The following SEC24A variants were observed in gnomAD, a reference collection of about 807,000 sequenced individuals.
The protein encoded by SEC24A is protein transport protein Sec24A.
A neutral mutation model predicts 129.4 loss-of-function variants in SEC24A; 93 were observed. The ratio of observed to expected loss-of-function variants is 0.72; its 90% CI spans 0.61 to 0.85. SEC24A has a LOEUF of 0.85. Among genes scored for constraint, SEC24A ranks in the 40% least tolerant of loss-of-function variants. The pLI is 0.00. For missense variants in SEC24A, 1,264 were observed against 1,307.4 expected (o/e 0.97, Z 0.51); for synonymous variants, 460 against 467.3 (o/e 0.98, Z 0.20).
At chr5:134,690,481 T>A (rs1274538427) in intron 11 of SEC24A, among the ~76,000 whole-genome samples, 1 of 152,186 alleles carries the variant, frequency 6.6e-6, no homozygotes, top group Admixed American at 6.6e-5. Flanking sequence ...GCCCAGCTAA[T>A]TTTTAAAATT....
chr5:134,696,020 A>C (rs903690787), intron 13 of SEC24A, among the ~76,000 whole-genome samples: 1 of 151,264 alleles, frequency 6.6e-6, no homozygotes, highest in Non-Finnish European at 1.5e-5. Context: ...TAATCCCAGC[A>C]CTTTGGGAGG....
At position 134,651,934 on chromosome 5, in the gene SEC24A, C is replaced by CTTT. The variant is rs11294954; in HGVS notation, c.97+2776_97+2778dup. 3.0e-5 allele frequency among the ~76,000 whole-genome samples: 4 copies of CTTT among 135,252 alleles called. 1 individual carries two copies. Among genetic ancestry groups the CTTT allele is most frequent in the Admixed American group, 7.6e-5 (1 of 13,112 alleles). The allele number at this position is 135,252 out of a possible 152,430, so 88.7% of individuals were successfully genotyped here. On this transcript the variant is annotated intron_variant, in intron 1 of 22. Coordinates refer to ENST00000398844, the MANE Select transcript of SEC24A (RefSeq NM_021982.3). ...ATGCTTGCATATTCTGTTGAAAACT[C>CTTT]TTTTTTTTTTTTTTTTTGATGGAGT...
At chr5:134,719,553 TC>T (rs1017526590) in intron 20 of SEC24A, among the ~76,000 whole-genome samples, 19 of 151,720 alleles carry the variant, frequency 1.3e-4, no homozygotes, top group Non-Finnish European at 5.9e-5. Context: ...CCAGGCGTGG[TC>T]ACGTGCACCT....
intron 8 of SEC24A, 130 bp from the exon 9 acceptor site, chr5:134,682,243 A>G: frequency 4.7e-6 from 1 of 213,682 alleles, no homozygotes; most frequent in Non-Finnish European, 9.1e-6. Flanking sequence ...ACTCTGTCTC[A>G]AAAAAAAAAA....
At chr5:134,713,988 G>A (rs887001582) in intron 18 of SEC24A, among the ~76,000 whole-genome samples, 1 of 151,762 alleles carries the variant, frequency 6.6e-6, no homozygotes, top group Non-Finnish European at 1.5e-5. Context: ...GTTGCAGTGA[G>A]CAGAGATCAA....
At chr5:134,660,208 A>G (rs1485586672) in intron 1 of SEC24A, among the ~76,000 whole-genome samples, 1 of 151,874 alleles carries the variant, frequency 6.6e-6, no homozygotes, top group East Asian at 1.9e-4. Flanking sequence ...CAAAAAAAAA[A>G]AAAAAAAATT....
intron 8 of SEC24A, among the ~76,000 whole-genome samples, chr5:134,682,116 G>A (rs572874573): frequency 6.6e-6 from 1 of 151,886 alleles, no homozygotes; most frequent in East Asian, 1.9e-4. Flanking sequence ...GGTGGCGCAT[G>A]CCTGTAATCC....
intron 1 of SEC24A, among the ~76,000 whole-genome samples, chr5:134,658,204 G>A (rs1750316628): frequency 6.6e-6 from 1 of 152,172 alleles, no homozygotes; most frequent in Non-Finnish European, 1.5e-5. Flanking sequence ...CCAGGAGGCG[G>A]AGGTTGCAGT....
chr5:134,679,453 T>A, intron 7 of SEC24A, 149 bp from the exon 8 acceptor site: 1 of 448,722 alleles, frequency 2.2e-6, no homozygotes, highest in Non-Finnish European at 4.0e-6. Flanking sequence ...ATGGTTTTTG[T>A]GTATGGCAGT....
At position 134,667,671 on chromosome 5, in the gene SEC24A, A is replaced by C. The variant is rs1264056070; in HGVS notation, c.739+675A>C. ...TCCGTCTCAAAAAAAAAAAAAAACAAAAAAAAAAAAACAAGATATATTTTG... is the reference window on the plus strand; with the variant it reads ...TCCGTCTCAAAAAAAAAAAAAAACACAAAAAAAAAAACAAGATATATTTTG... On this transcript the variant is annotated intron_variant, in intron 3 of 22. Coordinates refer to ENST00000398844, the MANE Select transcript of SEC24A (RefSeq NM_021982.3). Among the ~76,000 whole-genome samples the C allele has an allele frequency of 2.7e-5, 4 of 149,114 alleles. No individual in the cohort carries two copies. The East Asian group carries it at 7.8e-4, about 29-fold the overall frequency.
chr5:134,702,912 G>A (rs1379633931), intron 15 of SEC24A, among the ~76,000 whole-genome samples: 1 of 151,420 alleles, frequency 6.6e-6, no homozygotes, highest in Non-Finnish European at 1.5e-5. Flanking sequence ...CTACAGGCGT[G>A]TGCCACCATG....
At position 134,659,096 on chromosome 5, in the gene SEC24A, G is replaced by A. The variant is rs1340220159; in HGVS notation, c.98-2023G>A. Among the ~76,000 whole-genome samples, 9 of 108,214 alleles carry A rather than the reference G, an allele frequency of 8.3e-5. No homozygotes were observed. In the East Asian group the frequency reaches 2.2e-3, roughly 27 times the overall value. 71.0% of individuals were successfully genotyped at this position (108,214 alleles called of 152,430 possible). ...ATTTATTTATTTATTTATTGAGATG[G>A]AATCTTGCTCTGTCACCCAGGCTGG... On this transcript the variant is annotated intron_variant, in intron 1 of 22. Coordinates refer to ENST00000398844, the MANE Select transcript of SEC24A (RefSeq NM_021982.3).
chr5:134,687,709 G>A (rs1751498068), intron 10 of SEC24A, among the ~76,000 whole-genome samples: 1 of 152,202 alleles, frequency 6.6e-6, no homozygotes, highest in Non-Finnish European at 1.5e-5. Context: ...GCATGAACAA[G>A]AGTGAAAAAC....
chr5:134,701,936 G>T (rs1035442885), intron 15 of SEC24A, among the ~76,000 whole-genome samples: 1 of 152,104 alleles, frequency 6.6e-6, no homozygotes, highest in Non-Finnish European at 1.5e-5. Flanking sequence ...ACACAGAAAA[G>T]ATAATGTACA....
chr5:134,676,108 C>T lies in SEC24A; in HGVS notation c.1237C>T (p.Pro413Ser), dbSNP rs2150083512. Reference protein sequence around the residue: ...AKLPLGLLLHPFKDLVQLPVV... With the variant: ...AKLPLGLLLHSFKDLVQLPVV... Reference sequence around the variant, plus strand: ...ACTTCCTTTGGGGCTGCTGCTTCATCCTTTCAAAGACTTAGTGGTATGTTT... The same window carrying T: ...ACTTCCTTTGGGGCTGCTGCTTCATTCTTTCAAAGACTTAGTGGTATGTTT... The change falls in exon 7 of 23, where the codon CCT (proline) becomes TCT (serine). Residue 413 changes from proline (P) to serine (S), a missense_variant. By Grantham distance (74) the Pro-to-Ser change is moderately conservative. Coordinates refer to ENST00000398844, the MANE Select transcript of SEC24A (RefSeq NM_021982.3). The T allele has an allele frequency of 6.2e-7, 1 of 1,610,776 alleles. No homozygotes were observed.
intron 3 of SEC24A, among the ~76,000 whole-genome samples, chr5:134,668,040 C>A (rs1750726152): frequency 6.6e-6 from 1 of 151,606 alleles, no homozygotes; most frequent in Non-Finnish European, 1.5e-5. Context: ...ATGGTGAAAC[C>A]CTGTCTCTAC....
At position 134,698,110 on chromosome 5, in the gene SEC24A, A is replaced by C. The variant is rs1751885009; in HGVS notation, c.2266+53A>C. ...CTGAATAATATTTTTGGTTTCAGTA[A>C]ATGTACATGTTTTTATCTGGTCTTA... is the stretch of plus-strand genomic sequence containing the variant. On this transcript the variant is annotated intron_variant, in intron 15 of 22. Transcript: ENST00000398844. 9 of 1,449,008 alleles carry C rather than the reference A, an allele frequency of 6.2e-6. No individual in the cohort carries two copies. The South Asian group carries it at 1.0e-4, about 16-fold the overall frequency. 89.8% of individuals were successfully genotyped at this position (1,449,008 alleles called of 1,614,324 possible).
intron 20 of SEC24A, 142 bp downstream of exon 20, chr5:134,718,315 A>T: frequency 1.8e-6 from 1 of 545,040 alleles, no homozygotes; most frequent in Non-Finnish European, 3.3e-6. Flanking sequence ...CTGATTAATG[A>T]TGTGTAAGTC....
chr5:134,681,442 T>TTGTGTGTGTG (rs34487329), intron 8 of SEC24A, among the ~76,000 whole-genome samples: 108 of 143,786 alleles, frequency 7.5e-4, no homozygotes, highest in African/African-American at 2.5e-3. Context: ...GTTTTATTGT[T>TTGTGTGTGTG]TGTGTGTGTG....
Sources: allele counts gnomAD v4.1 joint callset (sites outside exome capture counted in the v4.1 genomes callset), GRCh38; gene constraint gnomAD v4.1.1; transcripts MANE v1.5; gene names NCBI Gene and HGNC (gene_info 2026-07-23, HGNC 2026-07-21).